Variants in PCDH11X observed in about 807,000 individuals in gnomAD.
The protein encoded by PCDH11X is protocadherin 11 X-linked, also known as protocadherin-11 X-linked.
PCDH11X carries 18 observed loss-of-function variants against 53.3 expected under a neutral mutation model. The observed-to-expected ratio is 0.34, with a 90% CI of 0.23 to 0.50. The LOEUF (loss-of-function observed/expected upper bound fraction) is 0.50, where lower values mean the gene tolerates loss of function less well. Ranked by LOEUF, PCDH11X falls within the 20% of genes least tolerant of loss-of-function variation. The probability of loss-of-function intolerance (pLI) is 0.98; values close to 1 mark genes in which losing one functional copy is unlikely to be tolerated. For missense variants in PCDH11X, 570 were observed against 1,032.4 expected (o/e 0.55, Z 6.14); for synonymous variants, 279 against 393.3 (o/e 0.71, Z 3.44).
intron 7 of PCDH11X, among the ~76,000 whole-genome samples, chrX:92,232,579 G>A (rs1292868289): frequency 1.8e-5 from 2 of 112,068 alleles, no homozygotes; most frequent in African/African-American, 3.2e-5. Context: ...GGCTTTGCAC[G>A]TGTGCTTGCC....
intron 1 of PCDH11X, among the ~76,000 whole-genome samples, chrX:91,784,063 G>A (rs1371609644): frequency 8.9e-6 from 1 of 112,243 alleles, no homozygotes; most frequent in Non-Finnish European, 1.9e-5. Context: ...GGAAGGGCAT[G>A]AGGGCTTGAT....
intron 10 of PCDH11X, among the ~76,000 whole-genome samples, chrX:92,573,550 C>T (rs68046754): frequency 0.31 from 34,094 of 108,629 alleles, 4,433 homozygotes; most frequent in African/African-American, 0.41. Context: ...ACTCTAAAGT[C>T]TTTACTTATG....
At chrX:92,459,865 A>G in intron 9 of PCDH11X, 1 of 1,117,939 alleles carries the variant, frequency 8.9e-7, no homozygotes, top group South Asian at 1.8e-5. Flanking sequence ...GGCCGCGGGG[A>G]TGGCTGGGGG....
chrX:92,462,676 C>G (rs2148658040), intron 9 of PCDH11X, among the ~76,000 whole-genome samples: 1 of 109,188 alleles, frequency 9.2e-6, no homozygotes, highest in East Asian at 2.8e-4. Flanking sequence ...ATGTACCTCC[C>G]AAAGCAGTGT....
chrX:92,050,847 A>G (rs1012638558), intron 6 of PCDH11X, among the ~76,000 whole-genome samples: 2 of 108,044 alleles, frequency 1.9e-5, no homozygotes, highest in Non-Finnish European at 3.8e-5. Flanking sequence ...TTGCACTGGA[A>G]CCCCATGTAG....
chrX:92,568,299 G>A (rs983382563), intron 10 of PCDH11X, among the ~76,000 whole-genome samples: 1 of 109,556 alleles, frequency 9.1e-6, no homozygotes, highest in Non-Finnish European at 1.9e-5. Flanking sequence ...GCGGGCGCCT[G>A]TAGTCCCAGC....
chrX:92,437,190 A>T (rs1325599057), intron 9 of PCDH11X, among the ~76,000 whole-genome samples: 1 of 111,063 alleles, frequency 9.0e-6, no homozygotes, highest in Non-Finnish European at 1.9e-5. Context: ...GTAGATGTGC[A>T]TATGTGTGTA....
chrX:92,063,010 C>T (rs1458295429), intron 6 of PCDH11X, among the ~76,000 whole-genome samples: 1 of 111,089 alleles, frequency 9.0e-6, no homozygotes, highest in Non-Finnish European at 1.9e-5. Context: ...TACTATGCAG[C>T]CATAAGAAAG....
chrX:92,451,257 CA>C (rs2072772928), intron 9 of PCDH11X, among the ~76,000 whole-genome samples: 1 of 111,341 alleles, frequency 9.0e-6, no homozygotes, highest in African/African-American at 3.3e-5. Flanking sequence ...AGTACATTTG[CA>C]TAATTTTTTT....
chrX:91,971,514 T>G (rs2061959994), intron 6 of PCDH11X, among the ~76,000 whole-genome samples: 1 of 110,266 alleles, frequency 9.1e-6, no homozygotes, highest in Admixed American at 9.7e-5. Flanking sequence ...GTGGCTGAAT[T>G]TCTGATATAA....
At chrX:92,310,877 A>G (rs112501112) in intron 8 of PCDH11X, among the ~76,000 whole-genome samples, 1 of 111,883 alleles carries the variant, frequency 8.9e-6, no homozygotes, top group Non-Finnish European at 1.9e-5. Context: ...TGTAGATTTT[A>G]TTTGTAAGTC....
In PCDH11X at chrX:92,173,984, C is replaced by CAAAAAAA. The variant is rs145379428; in HGVS notation, c.3034-27368_3034-27362dup. ...TGGGTGATAGAGTGAGACCCAGTCT[C>CAAAAAAA]AAAAAAAAAAAAAAAAAAAAAAAAA... On this transcript the variant is annotated intron_variant, in intron 6 of 10. Coordinates refer to ENST00000682573, the MANE Select transcript of PCDH11X (RefSeq NM_032968.5). 1.0e-4 allele frequency among the ~76,000 whole-genome samples: 3 copies of CAAAAAAA among 29,559 alleles called. 1 individual carries two copies. The highest frequency in any genetic ancestry group is 1.7e-4 in the Non-Finnish European group (3 of 18,045). The allele number at this position is 29,559 out of a possible 115,157, so 25.7% of individuals were successfully genotyped here.
At chrX:91,783,640 G>C (rs571084214) in intron 1 of PCDH11X, among the ~76,000 whole-genome samples, 4 of 112,127 alleles carry the variant, frequency 3.6e-5, no homozygotes, top group African/African-American at 9.7e-5. Flanking sequence ...TCTTGGTGGA[G>C]CAAGGGGAGG....
intron 6 of PCDH11X, chrX:92,113,237 G>A (rs1418392897): frequency 9.3e-6 from 11 of 1,183,080 alleles, no homozygotes; most frequent in South Asian, 3.7e-5. Flanking sequence ...TGGCAGGACA[G>A]CCCCTCAGAT....
intron 8 of PCDH11X, among the ~76,000 whole-genome samples, chrX:92,368,960 T>A (rs897132620): frequency 5.7e-5 from 6 of 104,505 alleles, no homozygotes; most frequent in Non-Finnish European, 1.2e-4. Flanking sequence ...TCTCTCCCAG[T>A]CAGGAGGCAC....
At chrX:92,429,108 A>G (rs1202464693) in intron 9 of PCDH11X, among the ~76,000 whole-genome samples, 1 of 111,193 alleles carries the variant, frequency 9.0e-6, no homozygotes, top group Non-Finnish European at 1.9e-5. Context: ...CAATAACTGG[A>G]GCTAGCATAA....
At chrX:91,922,788 C>T (rs1389692258) in intron 6 of PCDH11X, among the ~76,000 whole-genome samples, 1 of 111,584 alleles carries the variant, frequency 9.0e-6, no homozygotes, top group Non-Finnish European at 1.9e-5. Flanking sequence ...AAGCTGAGGA[C>T]CCCTGCTTTC....
At chrX:92,577,473 A>G (rs1923118565) in intron 10 of PCDH11X, among the ~76,000 whole-genome samples, 1 of 109,342 alleles carries the variant, frequency 9.1e-6, no homozygotes, top group African/African-American at 3.3e-5. Context: ...TCTCTATTTT[A>G]TTAATTTTTT....
At chrX:91,989,380 G>T (rs1373298184) in intron 6 of PCDH11X, among the ~76,000 whole-genome samples, 2 of 110,964 alleles carry the variant, frequency 1.8e-5, no homozygotes, top group African/African-American at 3.3e-5. Flanking sequence ...GGCTAACATG[G>T]TGAAACCCCG....
Sources: gnomAD v4.1 joint callset for allele counts (sites outside exome capture counted in the v4.1 genomes callset) on GRCh38, gnomAD v4.1.1 for gene constraint, MANE v1.5 for transcripts, NCBI Gene and HGNC (gene_info 2026-07-23, HGNC 2026-07-21) for gene names.